The following ELMO1 variants were observed in gnomAD, a reference collection of about 807,000 sequenced individuals.
The protein encoded by ELMO1 is engulfment and cell motility 1.
ELMO1 carries 26 observed loss-of-function variants against 98.9 expected under a neutral mutation model. The ratio of observed to expected loss-of-function variants is 0.26; its 90% CI spans 0.19 to 0.36. The LOEUF is 0.36. ELMO1 is among the 10% of genes least tolerant of loss of function. The pLI is 1.00. For synonymous variants in ELMO1, 346 were observed against 346.0 expected (o/e 1.00, Z 0.00); for missense variants, 627 against 935.2 (o/e 0.67, Z 4.30).
intron 15 of ELMO1, among the ~76,000 whole-genome samples, chr7:37,084,330 C>T (rs543906633): frequency 6.6e-6 from 1 of 151,990 alleles, no homozygotes; most frequent in South Asian, 2.1e-4. Context: ...TGGAACTGAC[C>T]CTGAAGCAAA....
At chr7:37,061,743 A>C (rs939805258) in intron 15 of ELMO1, among the ~76,000 whole-genome samples, 1 of 152,186 alleles carries the variant, frequency 6.6e-6, no homozygotes, top group Non-Finnish European at 1.5e-5. Flanking sequence ...ACAATAAACA[A>C]ATTATACTGA....
chr7:37,144,400 T>C (rs1053412923), intron 13 of ELMO1, among the ~76,000 whole-genome samples: 11 of 152,188 alleles, frequency 7.2e-5, no homozygotes, highest in African/African-American at 2.2e-4. Flanking sequence ...TTCTGTACTG[T>C]GACAAAAATA....
chr7:37,171,848 G>A (rs1790190313), intron 13 of ELMO1, among the ~76,000 whole-genome samples: 1 of 152,114 alleles, frequency 6.6e-6, no homozygotes, highest in African/African-American at 2.4e-5. Context: ...ATCTAGCTTA[G>A]AGAGCTACTT....
At position 36,855,661 on chromosome 7, in the gene ELMO1, T is replaced by G. The variant is rs757503801; in HGVS notation, c.2074A>C (p.Met692Leu). The change falls in exon 22 of 22, where the codon ATG becomes CTG. Residue 692 changes from methionine to leucine, a missense_variant. Met to Leu is a conservative substitution (Grantham distance 15, BLOSUM62 2). This residue lies in a region of ELMO1 where 492 missense variants were observed against 715.6 expected (regional missense o/e 0.69). Coordinates refer to ENST00000310758, the MANE Select transcript of ELMO1 (RefSeq NM_014800.11). This position sits in a 1 kb window ranked among gnomAD's most constrained non-coding sequence, Gnocchi z 4.2. ...TRNDLDTLLS[M>L]EIKLRLLDLE... ...TCCAGGAGGCGGAGCTTGATTTCCA[T>G]GCTGAGCAGGGTGTCCAGGTCATTC... 4 of 1,614,158 alleles carry G rather than the reference T, an allele frequency of 2.5e-6. No homozygotes were observed. The highest frequency in any genetic ancestry group is 3.4e-6 in the Non-Finnish European group (4 of 1,180,000).
chr7:37,035,012 C>A (rs1458686950), intron 15 of ELMO1, among the ~76,000 whole-genome samples: 1 of 152,136 alleles, frequency 6.6e-6, no homozygotes, highest in Non-Finnish European at 1.5e-5. Flanking sequence ...TGCCCAGAAC[C>A]AGTAGAGTTA....
intron 1 of ELMO1, among the ~76,000 whole-genome samples, chr7:37,441,034 CA>C (rs1323004534): frequency 6.6e-6 from 1 of 151,324 alleles, no homozygotes; most frequent in Non-Finnish European, 1.5e-5. Context: ...GATTACTCTT[CA>C]AAATTAAGGG....
chr7:37,298,565 G>T (rs1798184710), intron 4 of ELMO1, among the ~76,000 whole-genome samples: 1 of 145,670 alleles, frequency 6.9e-6, no homozygotes, highest in South Asian at 2.2e-4. Context: ...TTGGTTTTTT[G>T]TTCTTGCGAT....
chr7:37,284,855 T>C (rs1797312497), intron 4 of ELMO1, among the ~76,000 whole-genome samples: 2 of 152,098 alleles, frequency 1.3e-5, no homozygotes, highest in African/African-American at 4.8e-5. Flanking sequence ...TTCTTGGCCC[T>C]GCTTTCTGAC....
At chr7:36,932,210 A>G (rs1485370915) in intron 16 of ELMO1, among the ~76,000 whole-genome samples, 2 of 152,216 alleles carry the variant, frequency 1.3e-5, no homozygotes, top group African/African-American at 4.8e-5. Flanking sequence ...CTCATGGTAC[A>G]TGGCTCAGTT....
chr7:36,999,548 CA>C (rs1401274590), intron 16 of ELMO1, among the ~76,000 whole-genome samples: 2 of 152,162 alleles, frequency 1.3e-5, no homozygotes, highest in Non-Finnish European at 2.9e-5. Flanking sequence ...GACTTTACTA[CA>C]ACTTATTATG....
chr7:37,049,983 T>G (rs1796015974), intron 15 of ELMO1, among the ~76,000 whole-genome samples: 2 of 151,826 alleles, frequency 1.3e-5, no homozygotes, highest in South Asian at 4.1e-4. Flanking sequence ...TTTCTCCATG[T>G]TGGTCAGGCT....
intron 1 of ELMO1, among the ~76,000 whole-genome samples, chr7:37,427,916 CAG>C (rs372950621): frequency 1.3e-5 from 2 of 152,174 alleles, no homozygotes; most frequent in African/African-American, 4.8e-5. Context: ...GGTACTCCAG[CAG>C]AGTTTCCCAG....
intron 15 of ELMO1, among the ~76,000 whole-genome samples, chr7:37,067,708 G>C (rs1000350243): frequency 6.6e-6 from 1 of 151,620 alleles, no homozygotes; most frequent in African/African-American, 2.4e-5. Context: ...TTGTTAGTCT[G>C]CAACAGCTTG....
At chr7:36,914,986 C>A (rs1404304422) in intron 16 of ELMO1, among the ~76,000 whole-genome samples, 1 of 152,186 alleles carries the variant, frequency 6.6e-6, no homozygotes, top group Non-Finnish European at 1.5e-5. Context: ...TGGAGTCTTG[C>A]TCTGTTGCCC....
rs529685469 is a variant in ELMO1 at position 36,900,534 on chromosome 7, C to T, written c.1438-5517G>A. ...TTTCACAAAGCCAAAGAACAAAGCCCGTGGCCGTGGGATGGCATCTTAGGG... is the reference window on the plus strand; with the variant it reads ...TTTCACAAAGCCAAAGAACAAAGCCTGTGGCCGTGGGATGGCATCTTAGGG... On this transcript the variant is annotated intron_variant, in intron 16 of 21. Coordinates refer to ENST00000310758, the MANE Select transcript of ELMO1 (RefSeq NM_014800.11). Among the ~76,000 whole-genome samples the T allele has an allele frequency of 3.9e-5, 6 of 152,202 alleles. No homozygotes were observed. The South Asian group carries it at 1.0e-3, about 26-fold the overall frequency.
At chr7:37,222,050 A>T (rs528199748) in intron 10 of ELMO1, among the ~76,000 whole-genome samples, 1 of 152,264 alleles carries the variant, frequency 6.6e-6, no homozygotes, top group African/African-American at 2.4e-5. Flanking sequence ...CCACATCCAC[A>T]CACAGAAGTA....
chr7:37,157,344 G>C (rs1011167687), intron 13 of ELMO1, among the ~76,000 whole-genome samples: 1 of 152,162 alleles, frequency 6.6e-6, no homozygotes, highest in Non-Finnish European at 1.5e-5. Context: ...AGAAATAAAG[G>C]CTATTCAATT....
chr7:36,921,120 C>T (rs1031035682), intron 16 of ELMO1, among the ~76,000 whole-genome samples: 29 of 152,286 alleles, frequency 1.9e-4, no homozygotes, highest in African/African-American at 6.7e-4. Context: ...TGCCAGGCAC[C>T]ACATTTGCTG....
At chr7:37,053,029 T>C (rs1247046359) in intron 15 of ELMO1, among the ~76,000 whole-genome samples, 1 of 152,224 alleles carries the variant, frequency 6.6e-6, no homozygotes, top group African/African-American at 2.4e-5. Context: ...TCTGCTTTTA[T>C]ATCCCTGAAA....
Sources: gnomAD v4.1 joint callset for allele counts (sites outside exome capture counted in the v4.1 genomes callset) on GRCh38, gnomAD v4.1.1 for gene constraint, gnomAD v4.1.1 regional missense constraint, Gnocchi (gnomAD v3.1) non-coding constraint, MANE v1.5 for transcripts, NCBI Gene and HGNC (gene_info 2026-07-23, HGNC 2026-07-21) for gene names.